Variants in SPTBN4 observed in about 807,000 individuals in gnomAD.
SPTBN4 encodes the protein spectrin beta chain, non-erythrocytic 4.
SPTBN4 carries 96 observed loss-of-function variants against 277.8 expected under a neutral mutation model. That is an observed-to-expected ratio of 0.35 (90% CI 0.29 to 0.41). The LOEUF is 0.41. Among genes scored for constraint, SPTBN4 ranks in the 10% least tolerant of loss-of-function variants. The pLI is 1.00. For synonymous variants in SPTBN4, 1,481 were observed against 1,580.3 expected (o/e 0.94, Z 1.49); for missense variants, 3,006 against 3,595.7 (o/e 0.84, Z 4.19).
Position 40,572,038 on chromosome 19 carries a change from T to C in SPTBN4, c.7339T>C (p.Cys2447Arg). 6.3e-7 allele frequency: 1 copy of C among 1,595,708 alleles called. No homozygotes were observed. The highest frequency in any genetic ancestry group is 8.5e-7 in the Non-Finnish European group (1 of 1,171,710). The change falls in exon 34 of 36, where the codon TGT (cysteine) becomes CGT (arginine). Residue 2447 changes from cysteine to arginine, a missense_variant. Transcript: ENST00000598249. Reference protein sequence around the residue: ...SSNRSWVSLYCVLSKGELGFY... With the variant: ...SSNRSWVSLYRVLSKGELGFY... ...CTCCAGGTCGTGGGTGAGCCTGTAC[T>C]GTGTGCTTAGTAAGGGGGAACTGGG...
chr19:40,486,992 G>T (rs533089066), intron 2 of SPTBN4, among the ~76,000 whole-genome samples: 1 of 151,904 alleles, frequency 6.6e-6, no homozygotes, highest in Non-Finnish European at 1.5e-5. Flanking sequence ...GCAGAGGGTC[G>T]GGGAAGGCGT....
At chr19:40,484,771 AATT>A (rs2080050720) in intron 2 of SPTBN4, among the ~76,000 whole-genome samples, 1 of 150,178 alleles carries the variant, frequency 6.7e-6, no homozygotes, top group East Asian at 1.9e-4. Flanking sequence ...ACTAAAAAAA[AATT>A]AAAAAAAATT....
intron 13 of SPTBN4, among the ~76,000 whole-genome samples, chr19:40,510,836 ACT>A (rs1305768974): frequency 2.0e-5 from 3 of 151,714 alleles, no homozygotes; most frequent in Admixed American, 6.6e-5. Flanking sequence ...AGCCAGCGAG[ACT>A]CTATTTCTAC....
Position 40,567,757 on chromosome 19 carries a change from C to A in SPTBN4, c.6431C>A (p.Ala2144Glu), listed in dbSNP as rs376574892. ...GACCCCACGGAACTGGCGGCCAAGG[C>A]GGCGCCCCTGCTGCGGCCAGGGGGC... ...FGDPTELAAK[A>E]APLLRPGGYE... The change falls in exon 31 of 36, where the codon GCG becomes GAG. Residue 2144 changes from alanine (A) to glutamate (E), a missense_variant. Ala to Glu is a moderately radical substitution (Grantham distance 107, BLOSUM62 -1). Coordinates refer to ENST00000598249, the MANE Select transcript of SPTBN4 (RefSeq NM_020971.3). 6.5e-6 allele frequency: 10 copies of A among 1,543,004 alleles called. No individual in the cohort carries two copies. The highest frequency in any genetic ancestry group is 8.7e-6 in the Non-Finnish European group (10 of 1,145,006).
In SPTBN4 at chr19:40,560,140, G is replaced by T. The variant is rs766424833; in HGVS notation, c.5671-19G>T. 1 of 1,577,602 alleles carries T rather than the reference G, an allele frequency of 6.3e-7. No homozygotes were observed. The highest frequency in any genetic ancestry group is 1.1e-5 in the South Asian group (1 of 88,130). On this transcript the variant is annotated intron_variant, in intron 26 of 35. Transcript: ENST00000598249. This position sits in a 1 kb window ranked among gnomAD's most constrained non-coding sequence, Gnocchi z 5.2. ...TGGGCCCCGTGGAGGGCTGGCGCCC[G>T]ACCTGGCATGCCCTTCAGGTACGGC...
rs903338588 is a variant in SPTBN4, at chr19:40,515,962, C to T, written c.2903+514C>T. Among the ~76,000 whole-genome samples the T allele has an allele frequency of 6.9e-6, 1 of 145,530 alleles. No individual in the cohort carries two copies. Among genetic ancestry groups the T allele is most frequent in the Non-Finnish European group, 1.5e-5 (1 of 66,628 alleles). On this transcript the variant is annotated intron_variant, in intron 15 of 35. Coordinates refer to ENST00000598249, the MANE Select transcript of SPTBN4 (RefSeq NM_020971.3). The surrounding 1 kb of genome is among the most constrained non-coding windows in gnomAD (Gnocchi z 4.1). Reference sequence around the variant, plus strand: ...ATATACGTATATATACACATATATACGTATATATACACATATATACGTATA... The same window carrying T: ...ATATACGTATATATACACATATATATGTATATATACACATATATACGTATA...
chr19:40,535,873 A>G (rs963701509), intron 20 of SPTBN4, among the ~76,000 whole-genome samples: 3 of 152,164 alleles, frequency 2.0e-5, no homozygotes, highest in African/African-American at 4.8e-5. Context: ...AGGCAGGAGA[A>G]TCACTTGAAC....
intron 3 of SPTBN4, among the ~76,000 whole-genome samples, chr19:40,489,242 A>G (rs1379516137): frequency 1.3e-5 from 2 of 151,416 alleles, no homozygotes; most frequent in African/African-American, 2.4e-5. Flanking sequence ...GAAAGAAAAA[A>G]AAGAATAGAT....
chr19:40,479,697 TA>T, intron 2 of SPTBN4, among the ~76,000 whole-genome samples: 1 of 146,862 alleles, frequency 6.8e-6, no homozygotes, highest in African/African-American at 2.5e-5. Flanking sequence ...TATATATATA[TA>T]TATATTTAAC....
At chr19:40,533,947 G>A (rs559508886) in intron 19 of SPTBN4, 133 bp from the exon 20 acceptor site, 10 of 1,137,782 alleles carry the variant, frequency 8.8e-6, no homozygotes, top group African/African-American at 4.7e-5. Flanking sequence ...CTCTCCCTAT[G>A]TGTCTCCCAC....
Position 40,490,339 on chromosome 19 carries a change from A to C in SPTBN4, c.495+91A>C. ...TACCCATTCATTCTTTCCTTCCAAT[A>C]ATATCCTAATATGCTGGAATCCTAT... On this transcript the variant is annotated intron_variant, in intron 4 of 35. Coordinates refer to ENST00000598249, the MANE Select transcript of SPTBN4 (RefSeq NM_020971.3). This position sits in a 1 kb window ranked among gnomAD's most constrained non-coding sequence, Gnocchi z 4.3. 1 of 1,413,938 alleles carries C rather than the reference A, an allele frequency of 7.1e-7. No individual in the cohort carries two copies. Among genetic ancestry groups the C allele is most frequent in the Non-Finnish European group, 9.5e-7 (1 of 1,049,892 alleles). The allele number at this position is 1,413,938 out of a possible 1,614,324, so 87.6% of individuals were successfully genotyped here.
chr19:40,494,097 GT>G (rs1187934226), intron 5 of SPTBN4, among the ~76,000 whole-genome samples: 8 of 152,236 alleles, frequency 5.3e-5, no homozygotes, highest in African/African-American at 1.9e-4. Flanking sequence ...GCAGGGAGCA[GT>G]AAGACCTGAA....
Position 40,560,744 on chromosome 19 carries a change from A to C in SPTBN4, c.5915+341A>C, listed in dbSNP as rs117949527. On this transcript the variant is annotated intron_variant, in intron 27 of 35. Coordinates refer to ENST00000598249, the MANE Select transcript of SPTBN4 (RefSeq NM_020971.3). This position sits in a 1 kb window ranked among gnomAD's most constrained non-coding sequence, Gnocchi z 5.2. Reference sequence around the variant, plus strand: ...TTGTGAGGGTGGGTGAAGAATTCTAACAATTCCAGCATCTCAGTGGCTTCA... The same window carrying C: ...TTGTGAGGGTGGGTGAAGAATTCTACCAATTCCAGCATCTCAGTGGCTTCA... The C allele has an allele frequency of 0.026, 34,094 of 1,336,880 alleles. 513 individuals are homozygous for C. The highest frequency in any genetic ancestry group is 0.029 in the Non-Finnish European group (30,289 of 1,043,990). 82.8% of individuals were successfully genotyped at this position (1,336,880 alleles called of 1,614,324 possible).
At chr19:40,541,565 G>A (rs1453358431) in intron 20 of SPTBN4, among the ~76,000 whole-genome samples, 1 of 152,162 alleles carries the variant, frequency 6.6e-6, no homozygotes, top group African/African-American at 2.4e-5. Flanking sequence ...TCCACCCTTA[G>A]GGCACTGGGG....
Position 40,557,005 on chromosome 19 carries a change from C to G in SPTBN4, c.5290-18C>G, listed in dbSNP as rs760037060. On this transcript the variant is annotated intron_variant, in intron 25 of 35. Coordinates refer to ENST00000598249, the MANE Select transcript of SPTBN4 (RefSeq NM_020971.3). Reference sequence around the variant, plus strand: ...TTGCTCACTTTGCTGTACCCCCCCCCCCACTTCCTGATGGCAGGTGCTGCA... The same window carrying G: ...TTGCTCACTTTGCTGTACCCCCCCCGCCACTTCCTGATGGCAGGTGCTGCA... 1.0e-5 allele frequency: 16 copies of G among 1,528,446 alleles called. 1 individual carries two copies. The highest frequency in any genetic ancestry group is 1.4e-5 in the African/African-American group (1 of 72,888). 94.7% of individuals were successfully genotyped at this position (1,528,446 alleles called of 1,614,324 possible).
Position 40,467,205 on chromosome 19 carries a change from G to T in SPTBN4, c.-116G>T, listed in dbSNP as rs1446600062. 1 of 150,036 alleles carries T rather than the reference G, an allele frequency of 6.7e-6. No homozygotes were observed. The highest frequency in any genetic ancestry group is 1.5e-5 in the Non-Finnish European group (1 of 66,998). 9.3% of individuals were successfully genotyped at this position (150,036 alleles called of 1,614,324 possible). On this transcript the variant is annotated 5_prime_UTR_variant, in exon 1 of 36. Transcript: ENST00000598249. ...GGCCGGCGGGGCCGAGCTGAGCCGGGCTGGGCCGGGCCGGGCCGGGCCGGG... is the reference window on the plus strand; with the variant it reads ...GGCCGGCGGGGCCGAGCTGAGCCGGTCTGGGCCGGGCCGGGCCGGGCCGGG...
Position 40,500,222 on chromosome 19 carries a change from A to G in SPTBN4, c.785-1699A>G, listed in dbSNP as rs183642312. ...CAAAAAACAACAACCAATTAAAGTGATGTTAGAATTTGTTGAGTTTCCCCT... is the reference window on the plus strand; with the variant it reads ...CAAAAAACAACAACCAATTAAAGTGGTGTTAGAATTTGTTGAGTTTCCCCT... On this transcript the variant is annotated intron_variant, in intron 7 of 35. Transcript: ENST00000598249. Among the ~76,000 whole-genome samples the G allele has an allele frequency of 6.8e-4, 103 of 152,210 alleles. 2 individuals are homozygous for G. The Middle Eastern group carries it at 0.01, about 15-fold the overall frequency.
At chr19:40,472,469 G>C in intron 1 of SPTBN4, 138 bp from the exon 2 acceptor site, 1 of 748,814 alleles carries the variant, frequency 1.3e-6, no homozygotes, top group South Asian at 2.2e-5. Context: ...GAGCCACTGT[G>C]CCTAGGCCTT....
chr19:40,529,482 G>A (rs943554153), intron 18 of SPTBN4, among the ~76,000 whole-genome samples: 1 of 152,186 alleles, frequency 6.6e-6, no homozygotes, highest in Non-Finnish European at 1.5e-5. Flanking sequence ...GTGGGGATAA[G>A]GGCCGAGGGC....
Sources: gnomAD v4.1 joint callset for allele counts (sites outside exome capture counted in the v4.1 genomes callset) on GRCh38, gnomAD v4.1.1 for gene constraint, Gnocchi (gnomAD v3.1) non-coding constraint, MANE v1.5 for transcripts, NCBI Gene and HGNC (gene_info 2026-07-23, HGNC 2026-07-21) for gene names.